GRIK3: variants seen among roughly 807,000 people sequenced by gnomAD.
GRIK3 encodes the protein glutamate receptor ionotropic, kainate 3.
A neutral mutation model predicts 102.5 loss-of-function variants in GRIK3; 29 were observed. The observed-to-expected ratio is 0.28, with a 90% CI of 0.21 to 0.39. The LOEUF (loss-of-function observed/expected upper bound fraction) is 0.39, where lower values mean the gene tolerates loss of function less well. GRIK3 is among the 10% of genes least tolerant of loss of function. The pLI, the probability that GRIK3 is intolerant of heterozygous loss-of-function variation, is 1.00. For synonymous variants in GRIK3, 511 were observed against 504.9 expected, an observed-to-expected ratio of 1.01 and a Z score of -0.16; for missense variants, 908 against 1,252.4, an observed-to-expected ratio of 0.73 and a Z score of 4.15.
Position 36,797,311 on chromosome 1 carries a change from A to G in GRIK3, c.*4540T>C, listed in dbSNP as rs1489774105. The G allele has an allele frequency of 6.6e-6, 1 of 150,658 alleles. No individual in the cohort carries two copies. The highest frequency in any genetic ancestry group is 1.9e-4 in the East Asian group (1 of 5,168). 9.3% of individuals were successfully genotyped at this position (150,658 alleles called of 1,614,324 possible). ...ATATATATATATATACAGTATATAT[A>G]TATATTTTACATTCATATATATATT... On this transcript the variant is annotated 3_prime_UTR_variant, in exon 16 of 16. Transcript: ENST00000373091.
At chr1:36,866,671 T>C (rs1640788495) in intron 5 of GRIK3, among the ~76,000 whole-genome samples, 1 of 152,208 alleles carries the variant, frequency 6.6e-6, no homozygotes. Context: ...GTCACCACTG[T>C]ATAGATGAGA....
intron 5 of GRIK3, among the ~76,000 whole-genome samples, chr1:36,862,108 G>T (rs752994300): frequency 2.7e-4 from 41 of 152,196 alleles, no homozygotes; most frequent in Non-Finnish European, 5.6e-4. Flanking sequence ...ACAAGTCAAA[G>T]TTGAATTTGT....
At chr1:36,829,121 G>T (rs544932) in intron 10 of GRIK3, among the ~76,000 whole-genome samples, 1 of 152,096 alleles carries the variant, frequency 6.6e-6, no homozygotes, top group African/African-American at 2.4e-5. Flanking sequence ...TCTCCACTGC[G>T]TTTCTGGTTA....
chr1:36,865,367 G>T (rs185520248), intron 5 of GRIK3, among the ~76,000 whole-genome samples: 3 of 152,290 alleles, frequency 2.0e-5, no homozygotes, highest in Admixed American at 6.5e-5. Flanking sequence ...CGAAGAGTTG[G>T]TGATGTGGGT....
At chr1:36,817,310 C>G (rs1642643002) in intron 12 of GRIK3, 33 bp from the exon 13 acceptor site, 1 of 1,432,366 alleles carries the variant, frequency 7.0e-7, no homozygotes, top group Non-Finnish European at 9.9e-7. Context: ...CAGTCCCTTA[C>G]AACATCCAGA....
rs554468783 is a variant in GRIK3 at position 37,030,757 on chromosome 1, G to T, written c.115+3237C>A. ...TACATATGCCCATAACATGAGGAGA[G>T]AACTAACCATGAAACCTACAATGGC... On this transcript the variant is annotated intron_variant, in intron 1 of 15. Transcript: ENST00000373091. Among the ~76,000 whole-genome samples the T allele has an allele frequency of 5.3e-5, 8 of 152,140 alleles. No homozygotes were observed. In the South Asian group the frequency reaches 1.7e-3, roughly 32 times the overall value.
intron 1 of GRIK3, among the ~76,000 whole-genome samples, chr1:36,918,811 C>T (rs982394255): frequency 2.6e-5 from 4 of 152,222 alleles, no homozygotes; most frequent in Non-Finnish European, 5.9e-5. Context: ...TGGGAATAAA[C>T]CCCACATTCT....
chr1:36,980,975 T>C (rs1642242779), intron 1 of GRIK3, among the ~76,000 whole-genome samples: 1 of 146,708 alleles, frequency 6.8e-6, no homozygotes, highest in South Asian at 2.1e-4. Context: ...TGGATGATTA[T>C]ATCCTCAAAA....
intron 1 of GRIK3, among the ~76,000 whole-genome samples, chr1:36,975,046 T>C (rs1642181181): frequency 6.6e-6 from 1 of 152,128 alleles, no homozygotes; most frequent in Non-Finnish European, 1.5e-5. Context: ...CTGTTTGAGA[T>C]GATAAAACAG....
intron 1 of GRIK3, among the ~76,000 whole-genome samples, chr1:36,892,608 G>A (rs1389310203): frequency 2.0e-5 from 3 of 151,722 alleles, no homozygotes; most frequent in Non-Finnish European, 4.4e-5. Flanking sequence ...ACGTGTAGAG[G>A]TGTCAGTTTT....
At chr1:36,960,272 G>C (rs367593425) in intron 1 of GRIK3, among the ~76,000 whole-genome samples, 9 of 146,524 alleles carry the variant, frequency 6.1e-5, no homozygotes, top group African/African-American at 2.3e-4. Context: ...TCTGTGACCC[G>C]TGAGCCTGTG....
intron 10 of GRIK3, among the ~76,000 whole-genome samples, chr1:36,827,734 G>A (rs1303618093): frequency 5.9e-5 from 9 of 152,132 alleles, no homozygotes; most frequent in South Asian, 4.2e-4. Flanking sequence ...GGAGGGAAGC[G>A]CTAGTATGGA....
chr1:36,903,679 C>CTT (rs1258155950), intron 1 of GRIK3, among the ~76,000 whole-genome samples: 7 of 152,264 alleles, frequency 4.6e-5, no homozygotes, highest in African/African-American at 1.7e-4. Flanking sequence ...AAGGATAAAA[C>CTT]TTAAGTGCCT....
chr1:36,942,610 C>T (rs561834599), intron 1 of GRIK3, among the ~76,000 whole-genome samples: 1 of 151,384 alleles, frequency 6.6e-6, no homozygotes, highest in African/African-American at 2.4e-5. Flanking sequence ...GGTCAAACTC[C>T]ACCTCATCAC....
intron 1 of GRIK3, among the ~76,000 whole-genome samples, chr1:36,963,985 C>G (rs886962547): frequency 6.6e-6 from 1 of 152,212 alleles, no homozygotes; most frequent in African/African-American, 2.4e-5. Context: ...AGAGCCTTCT[C>G]CTAAGGACAG....
chr1:36,912,612 C>A (rs1034024093), intron 1 of GRIK3, among the ~76,000 whole-genome samples: 10 of 152,244 alleles, frequency 6.6e-5, no homozygotes, highest in African/African-American at 2.2e-4. Flanking sequence ...TGACTAAGAG[C>A]TTTCCTGAGC....
At chr1:36,932,756 A>C (rs1054338432) in intron 1 of GRIK3, among the ~76,000 whole-genome samples, 1 of 152,176 alleles carries the variant, frequency 6.6e-6, no homozygotes, top group Non-Finnish European at 1.5e-5. Context: ...GAGGATAGAG[A>C]GGCAGTTACA....
chr1:36,985,903 G>T (rs1189689819), intron 1 of GRIK3, among the ~76,000 whole-genome samples: 1 of 152,142 alleles, frequency 6.6e-6, no homozygotes, highest in Non-Finnish European at 1.5e-5. Flanking sequence ...TGAAGGGTGA[G>T]TGTGGCCCCT....
chr1:37,009,627 G>A (rs868626182), intron 1 of GRIK3, among the ~76,000 whole-genome samples: 5 of 152,160 alleles, frequency 3.3e-5, no homozygotes, highest in Non-Finnish European at 7.3e-5. Context: ...TGGTCCATTC[G>A]TGGGGAGCCC....
Sources: allele counts gnomAD v4.1 joint callset (sites outside exome capture counted in the v4.1 genomes callset), GRCh38; gene constraint gnomAD v4.1.1; transcripts MANE v1.5; gene names NCBI Gene and HGNC (gene_info 2026-07-23, HGNC 2026-07-21).